The following KMT2E variants were observed in gnomAD, a reference collection of about 807,000 sequenced individuals.
The protein encoded by KMT2E is lysine methyltransferase 2E (inactive), also known as histone reader KMT2E.
In KMT2E, 30 loss-of-function variants were observed where a neutral mutation model predicts 184.6. The ratio of observed to expected loss-of-function variants is 0.16; its 90% CI spans 0.12 to 0.22. KMT2E has a LOEUF of 0.22. Ranked by LOEUF, KMT2E falls within the 10% of genes least tolerant of loss-of-function variation. The pLI, the probability that KMT2E is intolerant of heterozygous loss-of-function variation, is 1.00. For missense variants in KMT2E, 2,023 were observed against 2,237.4 expected (o/e 0.90, Z 1.93); for synonymous variants, 815 against 776.5 (o/e 1.05, Z -0.82).
At position 105,113,496 on chromosome 7, in the gene KMT2E, TA is replaced by T; in HGVS notation, c.*169del. On this transcript the variant is annotated 3_prime_UTR_variant, in exon 27 of 27. Coordinates refer to ENST00000311117, the MANE Select transcript of KMT2E (RefSeq NM_182931.3). ...TCATTTTTGCTTTTTAAAATTCCTTTAAAAAATGTGCTGTTAAGCCAGTATT... is the reference window on the plus strand; with the variant it reads ...TCATTTTTGCTTTTTAAAATTCCTTTAAAAATGTGCTGTTAAGCCAGTATT... The T allele has an allele frequency of 1.3e-6, 1 of 777,044 alleles. No individual in the cohort carries two copies. Among genetic ancestry groups the T allele is most frequent in the Non-Finnish European group, 1.9e-6 (1 of 517,338 alleles). 48.1% of individuals were successfully genotyped at this position (777,044 alleles called of 1,614,324 possible).
chr7:105,059,978 G>GTTGTTTTTTT (rs1796734822), intron 3 of KMT2E, among the ~76,000 whole-genome samples: 7 of 51,794 alleles, frequency 1.4e-4, no homozygotes, highest in African/African-American at 2.3e-4. Context: ...TCTTGTTGTT[G>GTTGTTTTTTT]TTTTTTTTTT....
In KMT2E at chr7:105,102,150, C is replaced by G. The variant is rs1461541066; in HGVS notation, c.2152C>G (p.Pro718Ala). The G allele has an allele frequency of 6.2e-7, 1 of 1,611,094 alleles. No homozygotes were observed. Among genetic ancestry groups the G allele is most frequent in the East Asian group, 2.2e-5 (1 of 44,748 alleles). ...AGAAATAATTACTGAAACTGAAGTT[C>G]CAGCACTTAATAAATGTCCTACCAA... The part of the protein sequence containing the change: ...LAEIITETEV[P>A]ALNKCPTKYP... The change falls in exon 17 of 27, where the codon CCA becomes GCA. Residue 718 changes from proline to alanine, a missense_variant. Coordinates refer to ENST00000311117, the MANE Select transcript of KMT2E (RefSeq NM_182931.3).
chr7:105,107,094 C>A, intron 20 of KMT2E, 72 bp from the exon 21 acceptor site: 1 of 861,532 alleles, frequency 1.2e-6, no homozygotes, highest in Non-Finnish European at 1.8e-6. Context: ...ATTTTGTTTT[C>A]ATTTCTATAA....
Position 105,069,664 on chromosome 7 carries a change from A to G in KMT2E, c.497+2857A>G, listed in dbSNP as rs11761681. On this transcript the variant is annotated intron_variant, in intron 6 of 26. Coordinates refer to ENST00000311117, the MANE Select transcript of KMT2E (RefSeq NM_182931.3). Reference sequence around the variant, plus strand: ...CACATGCAGTTGTGAAATAATGTAGAGTGAGCCTAGATATCTTTTACCTGT... The same window carrying G: ...CACATGCAGTTGTGAAATAATGTAGGGTGAGCCTAGATATCTTTTACCTGT... Among the ~76,000 whole-genome samples the G allele has an allele frequency of 1.8e-3, 267 of 152,336 alleles. 2 individuals are homozygous for G. The highest frequency in any genetic ancestry group is 8.8e-4 in the Non-Finnish European group (60 of 68,024).
rs923037224 is a variant in KMT2E at position 105,102,058 on chromosome 7, C to T, written c.2060C>T (p.Thr687Ile). 6.2e-7 allele frequency: 1 copy of T among 1,613,846 alleles called. No homozygotes were observed. Among genetic ancestry groups the T allele is most frequent in the African/African-American group, 1.3e-5 (1 of 75,022 alleles). Residue 687 changes from threonine (T) to isoleucine (I), a missense_variant, in exon 17 of 27, where the codon ACT becomes ATT. Thr to Ile is a moderately conservative substitution (Grantham distance 89, BLOSUM62 -1). Coordinates refer to ENST00000311117, the MANE Select transcript of KMT2E (RefSeq NM_182931.3). ...CCATCTTCTCCTGATATAGAAGTTA[C>T]TTCACAACAAAATGATATTGAAAAT... ...IQPSSPDIEV[T>I]SQQNDIENTV...
intron 1 of KMT2E, among the ~76,000 whole-genome samples, chr7:105,014,978 C>A (rs74589812): frequency 2.0e-5 from 3 of 152,260 alleles, no homozygotes; most frequent in East Asian, 1.9e-4. Context: ...TTTTCTTCTT[C>A]CATTTCTTGA....
At chr7:105,097,195 A>G (rs980237691) in intron 15 of KMT2E, among the ~76,000 whole-genome samples, 3 of 152,200 alleles carry the variant, frequency 2.0e-5, no homozygotes, top group Non-Finnish European at 2.9e-5. Flanking sequence ...ATAAAATAGG[A>G]TAAGTTTGTT....
In KMT2E at chr7:105,107,624, C is replaced by A. The variant is rs370224796; in HGVS notation, c.3167C>A (p.Thr1056Asn). 46 of 1,614,038 alleles carry A rather than the reference C, an allele frequency of 2.8e-5. No homozygotes were observed. The highest frequency in any genetic ancestry group is 3.6e-5 in the Non-Finnish European group (42 of 1,180,026). The part of the protein sequence containing the change: ...RAEPNSQLDS[T>N]HSGRGTMYSS... ...GAGCCCAACAGCCAACTGGACTCGA[C>A]TCACTCTGGACGGGGCACAATGTAT... The change falls in exon 22 of 27, where the codon ACT becomes AAT. Residue 1056 changes from threonine to asparagine, a missense_variant. Physicochemically the swap from Thr to Asn is moderately conservative, Grantham distance 65 (BLOSUM62 0). This residue lies in a region of KMT2E where 1,108 missense variants were observed against 1,050.9 expected (regional missense o/e 1.05). Transcript: ENST00000311117.
At chr7:105,050,624 T>G (rs1796289504) in intron 3 of KMT2E, among the ~76,000 whole-genome samples, 1 of 142,522 alleles carries the variant, frequency 7.0e-6, no homozygotes, top group East Asian at 2.1e-4. Flanking sequence ...TTTTTTCCTT[T>G]TCTTTTCTTT....
chr7:105,035,022 A>ATTTTTTTTTT (rs981054177), intron 1 of KMT2E, among the ~76,000 whole-genome samples: 3 of 129,716 alleles, frequency 2.3e-5, no homozygotes, highest in Non-Finnish European at 3.3e-5. Flanking sequence ...CACCTGGCTA[A>ATTTTTTTTTT]TTTTTTTTTT....
At chr7:105,026,314 A>G (rs1011422069) in intron 1 of KMT2E, among the ~76,000 whole-genome samples, 9 of 152,206 alleles carry the variant, frequency 5.9e-5, no homozygotes, top group African/African-American at 2.2e-4. Flanking sequence ...ACTCTGCTAG[A>G]TGAAATAAGA....
At chr7:105,079,136 CTT>C (rs375440773) in intron 12 of KMT2E, among the ~76,000 whole-genome samples, 173 bp downstream of exon 12, 27 of 135,594 alleles carry the variant, frequency 2.0e-4, no homozygotes, top group South Asian at 4.8e-4. Context: ...GCTATGAAGT[CTT>C]TTTTTTTTTT....
rs575320517 is a variant in KMT2E at position 105,026,480 on chromosome 7, A to G, written c.-188-11646A>G. ...CCTTCCTATGTAAAAGCATCATAGTAGCTATTAATTTTGTCTTGTTCATCT... is the reference window on the plus strand; with the variant it reads ...CCTTCCTATGTAAAAGCATCATAGTGGCTATTAATTTTGTCTTGTTCATCT... On this transcript the variant is annotated intron_variant, in intron 1 of 26. Coordinates refer to ENST00000311117, the MANE Select transcript of KMT2E (RefSeq NM_182931.3). 2.6e-3 allele frequency among the ~76,000 whole-genome samples: 391 copies of G among 152,350 alleles called. 3 individuals are homozygous for G. The highest frequency in any genetic ancestry group is 4.4e-3 in the Admixed American group (68 of 15,300).
chr7:105,063,807 C>T (rs1584747372), intron 5 of KMT2E: 4 of 515,120 alleles, frequency 7.8e-6, no homozygotes, highest in Non-Finnish European at 1.4e-5. Context: ...AACTTTTTTT[C>T]ATGTAGGATC....
At chr7:105,019,765 CA>C (rs1268271461) in intron 1 of KMT2E, among the ~76,000 whole-genome samples, 1 of 151,894 alleles carries the variant, frequency 6.6e-6, no homozygotes, top group African/African-American at 2.4e-5. Flanking sequence ...AGAGTTAATC[CA>C]AAGGAAGAAA....
At chr7:105,059,917 TAATG>T (rs1223429093) in intron 3 of KMT2E, among the ~76,000 whole-genome samples, 3 of 148,950 alleles carry the variant, frequency 2.0e-5, no homozygotes, top group South Asian at 2.1e-4. Flanking sequence ...TCTTTTAAAA[TAATG>T]AATAATTCTT....
chr7:105,112,134 G>A lies in KMT2E; in HGVS notation c.4378G>A (p.Val1460Ile). The A allele has an allele frequency of 6.2e-7, 1 of 1,614,056 alleles. No individual in the cohort carries two copies. Among genetic ancestry groups the A allele is most frequent in the Non-Finnish European group, 8.5e-7 (1 of 1,180,010 alleles). The change falls in exon 27 of 27, where the codon GTA becomes ATA. Residue 1460 changes from valine to isoleucine, a missense_variant. Val to Ile is a conservative substitution (Grantham distance 29). Transcript: ENST00000311117. ...AAAGTCATCCACGCCTCACACACCTGTACAGCATGGTTATCTTTCACCAAA... is the reference window on the plus strand; with the variant it reads ...AAAGTCATCCACGCCTCACACACCTATACAGCATGGTTATCTTTCACCAAA... ...PPKSSTPHTP[V>I]QHGYLSPKPP...
In KMT2E at chr7:105,110,518, C is replaced by G; in HGVS notation, c.3886C>G (p.Gln1296Glu). 1.2e-6 allele frequency: 2 copies of G among 1,614,102 alleles called. No homozygotes were observed. The highest frequency in any genetic ancestry group is 1.7e-6 in the Non-Finnish European group (2 of 1,179,998). Residue 1296 changes from glutamine to glutamate, a missense_variant, in exon 25 of 27, where the codon CAG becomes GAG. Gln to Glu is a conservative substitution (Grantham distance 29). Transcript: ENST00000311117. ...PCVSCSPSHV[Q>E]SSPSSHSNHI... is the part of the protein sequence containing the mutation. ...TGTCTCATGTTCACCGAGTCATGTTCAGTCTTCACCTTCATCTCATTCAAA... is the reference window on the plus strand; with the variant it reads ...TGTCTCATGTTCACCGAGTCATGTTGAGTCTTCACCTTCATCTCATTCAAA...
chr7:105,078,304 G>T (rs1562911908), intron 11 of KMT2E, among the ~76,000 whole-genome samples: 3 of 152,096 alleles, frequency 2.0e-5, no homozygotes, highest in Non-Finnish European at 4.4e-5. Context: ...AATTGCCTTT[G>T]ATTTAGGTGA....
Sources: allele counts gnomAD v4.1 joint callset (sites outside exome capture counted in the v4.1 genomes callset), GRCh38; gene constraint gnomAD v4.1.1; regional missense constraint gnomAD v4.1.1; transcripts MANE v1.5; gene names NCBI Gene and HGNC (gene_info 2026-07-23, HGNC 2026-07-21).